The following TBC1D9B variants were observed in gnomAD, a reference collection of about 807,000 sequenced individuals.
TBC1D9B encodes the protein TBC1 domain family, member 9B (with GRAM domain).
TBC1D9B carries 87 observed loss-of-function variants against 121.1 expected under a neutral mutation model. That is an observed-to-expected ratio of 0.72 (90% CI 0.60 to 0.86). TBC1D9B has a LOEUF of 0.86. Among genes scored for constraint, TBC1D9B ranks in the 40% least tolerant of loss-of-function variants. The probability of loss-of-function intolerance (pLI) is 0.00; values close to 1 mark genes in which losing one functional copy is unlikely to be tolerated. For synonymous variants in TBC1D9B, 668 were observed against 670.1 expected (o/e 1.00, Z 0.05); for missense variants, 1,540 against 1,628.6 (o/e 0.95, Z 0.94).
intron 10 of TBC1D9B, among the ~76,000 whole-genome samples, chr5:179,877,070 C>CAA (rs58537646): frequency 0.039 from 1,311 of 33,202 alleles, 106 homozygotes; most frequent in African/African-American, 0.096. Context: ...GATCCTGTCT[C>CAA]AAAAAAAAAA....
Position 179,862,835 on chromosome 5 carries a change from G to A in TBC1D9B, c.*613C>T, listed in dbSNP as rs1759883789. The A allele has an allele frequency of 6.0e-6, 2 of 331,248 alleles. No homozygotes were observed. The highest frequency in any genetic ancestry group is 1.2e-5 in the Non-Finnish European group (2 of 162,976). The allele number at this position is 331,248 out of a possible 1,614,324, so 20.5% of individuals were successfully genotyped here. On this transcript the variant is annotated 3_prime_UTR_variant, in exon 21 of 21. Transcript: ENST00000355235. ...GGAAATATATCAGGACCTGAGGGAT[G>A]TTTTTTTAAAGTTACTGGAAAGGAT... is the stretch of plus-strand genomic sequence containing the variant.
Position 179,898,865 on chromosome 5 carries a change from ACT to A in TBC1D9B, c.348+322_348+323del, listed in dbSNP as rs1386914374. Among the ~76,000 whole-genome samples, 6 of 152,354 alleles carry A rather than the reference ACT, an allele frequency of 3.9e-5. No individual in the cohort carries two copies. In the East Asian group the frequency reaches 1.2e-3, roughly 29 times the overall value. ...AACGTTAGTTTTATTATAAAAAACA[ACT>A]CAAAATATCCAATTGTTTCCAGCAT... On this transcript the variant is annotated intron_variant, in intron 3 of 20. Transcript: ENST00000355235.
rs1056644411 is a variant in TBC1D9B, at chr5:179,907,048, G to A, written c.118+656C>T. 6.6e-6 allele frequency among the ~76,000 whole-genome samples: 1 copy of A among 152,134 alleles called. No homozygotes were observed. The highest frequency in any genetic ancestry group is 1.5e-5 in the Non-Finnish European group (1 of 68,012). ...AAGGGTGCCTGTCCAGCTTCATCCT[G>A]TGTGATGGTGGCACCCGGGCCCACA... On this transcript the variant is annotated intron_variant, in intron 1 of 20. Transcript: ENST00000355235. The surrounding 1 kb of genome is among the most constrained non-coding windows in gnomAD (Gnocchi z 5.3).
chr5:179,904,635 T>C lies in TBC1D9B; in HGVS notation c.229+67A>G. 7.2e-7 allele frequency: 1 copy of C among 1,393,296 alleles called. No individual in the cohort carries two copies. The highest frequency in any genetic ancestry group is 9.9e-7 in the Non-Finnish European group (1 of 1,007,998). The allele number at this position is 1,393,296 out of a possible 1,614,324, so 86.3% of individuals were successfully genotyped here. ...CCCAGACACGTGGGCTACACACCCC[T>C]TCCTCTCGGCAACGGCCCTTCCAGG... On this transcript the variant is annotated intron_variant, in intron 2 of 20. Transcript: ENST00000355235. This position sits in a 1 kb window ranked among gnomAD's most constrained non-coding sequence, Gnocchi z 4.2.
At chr5:179,871,586 G>A in intron 14 of TBC1D9B, 56 bp from the exon 15 acceptor site, 1 of 1,568,770 alleles carries the variant, frequency 6.4e-7, no homozygotes. Flanking sequence ...TGGCACAGAA[G>A]TACGGCACTC....
Position 179,863,641 on chromosome 5 carries a change from C to T in TBC1D9B, c.3509G>A (p.Arg1170His), listed in dbSNP as rs759504844. The T allele has an allele frequency of 1.7e-5, 28 of 1,613,716 alleles. No homozygotes were observed. The highest frequency in any genetic ancestry group is 1.6e-4 in the Middle Eastern group (1 of 6,084). ...VGGEACSPTA[R>H]IGGTVDTDWC... ...GTCGGTGTCGACGGTGCCGCCGATGCGCGCTGTGGGGCTGCAGGCCTCCCC... is the reference window on the plus strand; with the variant it reads ...GTCGGTGTCGACGGTGCCGCCGATGTGCGCTGTGGGGCTGCAGGCCTCCCC... The change falls in exon 21 of 21, where the codon CGC becomes CAC. Residue 1170 changes from arginine to histidine, a missense_variant. Transcript: ENST00000355235. This position sits in a 1 kb window ranked among gnomAD's most constrained non-coding sequence, Gnocchi z 4.5.
chr5:179,894,254 T>G (rs1760954563), intron 4 of TBC1D9B, 132 bp downstream of exon 4: 8 of 855,372 alleles, frequency 9.4e-6, no homozygotes, highest in Non-Finnish European at 1.4e-5. Context: ...AGTCCCATCT[T>G]GGGCCGCTAA....
chr5:179,870,458 C>T lies in TBC1D9B; in HGVS notation c.2522G>A (p.Arg841His), dbSNP rs1290650396. Residue 841 changes from arginine (R) to histidine (H), a missense_variant, in exon 16 of 21, where the codon CGC (arginine) becomes CAC (histidine). By Grantham distance (29) the Arg-to-His change is conservative. Coordinates refer to ENST00000355235, the MANE Select transcript of TBC1D9B (RefSeq NM_015043.4). ...GGGGTCCCGACGGCCGGCCATTGTGCGGCTGCACCCCCAGTACTGGCTAGC... is the reference window on the plus strand; with the variant it reads ...GGGGTCCCGACGGCCGGCCATTGTGTGGCTGCACCCCCAGTACTGGCTAGC... ...HLASQYWGCS[R>H]TMAGRRDPSL... is the part of the protein sequence containing the mutation. The T allele has an allele frequency of 2.5e-6, 4 of 1,612,256 alleles. No homozygotes were observed. The highest frequency in any genetic ancestry group is 1.1e-5 in the South Asian group (1 of 91,062).
intron 9 of TBC1D9B, 102 bp from the exon 10 acceptor site, chr5:179,878,625 G>T: frequency 8.8e-7 from 1 of 1,132,320 alleles, no homozygotes; most frequent in Non-Finnish European, 1.3e-6. Context: ...GAGGAGAGGT[G>T]GGACTTGGGG....
rs1426925486 is a variant in TBC1D9B, at chr5:179,870,437, T to C, written c.2543A>G (p.Asp848Gly). 1 of 1,613,038 alleles carries C rather than the reference T, an allele frequency of 6.2e-7. No homozygotes were observed. Among genetic ancestry groups the C allele is most frequent in the Admixed American group, 1.7e-5 (1 of 60,020 alleles). ...GCSRTMAGRR[D>G]PSLPYLEQYR... is the part of the protein sequence containing the mutation. ...CTGCTCCAGGTAGGGCAGGCTGGGG[T>C]CCCGACGGCCGGCCATTGTGCGGCT... Residue 848 changes from aspartate to glycine, a missense_variant, in exon 16 of 21, where the codon GAC becomes GGC. By Grantham distance (94) the Asp-to-Gly change is moderately conservative (BLOSUM62 -1). Coordinates refer to ENST00000355235, the MANE Select transcript of TBC1D9B (RefSeq NM_015043.4).
chr5:179,907,160 G>A lies in TBC1D9B; in HGVS notation c.118+544C>T, dbSNP rs1761344587. Among the ~76,000 whole-genome samples, 1 of 152,222 alleles carries A rather than the reference G, an allele frequency of 6.6e-6. No individual in the cohort carries two copies. Among genetic ancestry groups the A allele is most frequent in the Admixed American group, 6.5e-5 (1 of 15,292 alleles). On this transcript the variant is annotated intron_variant, in intron 1 of 20. Coordinates refer to ENST00000355235, the MANE Select transcript of TBC1D9B (RefSeq NM_015043.4). This position sits in a 1 kb window ranked among gnomAD's most constrained non-coding sequence, Gnocchi z 5.3. Reference sequence around the variant, plus strand: ...CAGCTCTGAGAGCAGCCAGGAGCAGGAAAGGTGGGGGAGGAGAAGCTGGGG... The same window carrying A: ...CAGCTCTGAGAGCAGCCAGGAGCAGAAAAGGTGGGGGAGGAGAAGCTGGGG...
chr5:179,865,411 G>C lies in TBC1D9B; in HGVS notation c.2915-51C>G, dbSNP rs756491368. 1 of 1,554,124 alleles carries C rather than the reference G, an allele frequency of 6.4e-7. No homozygotes were observed. The highest frequency in any genetic ancestry group is 1.1e-5 in the South Asian group (1 of 89,780). ...ATCTTTGTCATGTGAGACGGCTGCG[G>C]GCTGACAGCAGGGAGAGGAAGAGTT... On this transcript the variant is annotated intron_variant, in intron 19 of 20. Coordinates refer to ENST00000355235, the MANE Select transcript of TBC1D9B (RefSeq NM_015043.4). The surrounding 1 kb of genome is among the most constrained non-coding windows in gnomAD (Gnocchi z 5.1).
intron 8 of TBC1D9B, 124 bp downstream of exon 8, chr5:179,879,504 G>A (rs1760467343): frequency 1.4e-6 from 2 of 1,447,912 alleles, no homozygotes; most frequent in Non-Finnish European, 1.9e-6. Flanking sequence ...TGCAGCCTGG[G>A]TGGGCACTGC....
intron 3 of TBC1D9B, among the ~76,000 whole-genome samples, chr5:179,895,237 T>C (rs1582100944): frequency 1.3e-5 from 2 of 152,232 alleles, no homozygotes. Flanking sequence ...TGGTAAAAAA[T>C]GCATACAGTA....
At position 179,894,516 on chromosome 5, in the gene TBC1D9B, C is replaced by T. The variant is rs1760965842; in HGVS notation, c.447G>A (p.Gly149=). ...EAELKMRKQF[G]MPEGEKLVNY... is the part of the protein sequence containing the mutation. ...TCACCAGCTTCTCGCCCTCAGGCAT[C>T]CCAAACTGCTTCCGCATCTTCAGCT... Residue 149 remains glycine, a synonymous_variant, in exon 4 of 21, where the codon GGG becomes GGA. Coordinates refer to ENST00000355235, the MANE Select transcript of TBC1D9B (RefSeq NM_015043.4). 4 of 1,614,234 alleles carry T rather than the reference C, an allele frequency of 2.5e-6. No homozygotes were observed. The highest frequency in any genetic ancestry group is 2.5e-6 in the Non-Finnish European group (3 of 1,180,026).
At position 179,894,391 on chromosome 5, in the gene TBC1D9B, T is replaced by C; in HGVS notation, c.572A>G (p.Lys191Arg). ...ACACTGAGGGGCGGGCTCACCTTCC[T>C]TCCCCAGCAGGAAGGAGTAGAAGCA... ...HLCFYSFLLG[K>R]EVSLVVQWVD... The change falls in exon 4 of 21, where the codon AAG becomes AGG. Residue 191 changes from lysine (K) to arginine (R), a missense_variant. Physicochemically the swap from Lys to Arg is conservative, Grantham distance 26. Coordinates refer to ENST00000355235, the MANE Select transcript of TBC1D9B (RefSeq NM_015043.4). The C allele has an allele frequency of 1.2e-6, 2 of 1,612,290 alleles. No individual in the cohort carries two copies. Among genetic ancestry groups the C allele is most frequent in the Non-Finnish European group, 1.7e-6 (2 of 1,179,222 alleles).
chr5:179,870,247 G>A lies in TBC1D9B; in HGVS notation c.2725+8C>T. ...GTCAAGCCCCTGGTAGGCCCTGCAG[G>A]CACTCACTCATCCCTGTCACGAACT... is the stretch of plus-strand genomic sequence containing the variant. On this transcript the variant is annotated splice_region_variant and intron_variant, in intron 16 of 20. Coordinates refer to ENST00000355235, the MANE Select transcript of TBC1D9B (RefSeq NM_015043.4). 3.1e-6 allele frequency: 5 copies of A among 1,613,704 alleles called. No homozygotes were observed. The highest frequency in any genetic ancestry group is 4.2e-6 in the Non-Finnish European group (5 of 1,179,954).
rs1170007809 is a variant in TBC1D9B at position 179,862,884 on chromosome 5, G to A, written c.*564C>T. 2 of 319,134 alleles carry A rather than the reference G, an allele frequency of 6.3e-6. No individual in the cohort carries two copies. The highest frequency in any genetic ancestry group is 5.0e-5 in the South Asian group (2 of 39,986). The allele number at this position is 319,134 out of a possible 1,614,324, so 19.8% of individuals were successfully genotyped here. A position where few individuals can be genotyped will look rare whatever the true frequency, so the allele number is the denominator to read the frequency against. ...ATGATGAGCTGAGAGCACGTGTACAGCCACGCCTGTGCGCAGCGCCCACTC... is the reference window on the plus strand; with the variant it reads ...ATGATGAGCTGAGAGCACGTGTACAACCACGCCTGTGCGCAGCGCCCACTC... On this transcript the variant is annotated 3_prime_UTR_variant, in exon 21 of 21. Coordinates refer to ENST00000355235, the MANE Select transcript of TBC1D9B (RefSeq NM_015043.4).
chr5:179,886,872 C>T (rs1249430113), intron 7 of TBC1D9B, among the ~76,000 whole-genome samples: 2 of 152,258 alleles, frequency 1.3e-5, no homozygotes, highest in Admixed American at 6.5e-5. Context: ...GAATCAAAGA[C>T]GACCAGTGTC....
Sources: allele counts gnomAD v4.1 joint callset (sites outside exome capture counted in the v4.1 genomes callset), GRCh38; gene constraint gnomAD v4.1.1; non-coding constraint Gnocchi (gnomAD v3.1); transcripts MANE v1.5; gene names NCBI Gene and HGNC (gene_info 2026-07-23, HGNC 2026-07-21).